RBFOX1: variants seen among roughly 807,000 people sequenced by gnomAD.
RBFOX1 encodes RNA binding fox-1 homolog 1, also known as RNA binding protein fox-1 homolog 1.
A neutral mutation model predicts 57.7 loss-of-function variants in RBFOX1; 8 were observed. The ratio of observed to expected loss-of-function variants is 0.14; its 90% CI spans 0.08 to 0.25. The LOEUF (loss-of-function observed/expected upper bound fraction) is 0.25. RBFOX1 is among the 10% of genes least tolerant of loss of function. The probability of loss-of-function intolerance (pLI) is 1.00; values close to 1 mark genes in which losing one functional copy is unlikely to be tolerated. For synonymous variants in RBFOX1, 326 were observed against 222.4 expected (o/e 1.47, Z -4.15); for missense variants, 611 against 548.5 (o/e 1.11, Z -1.14).
intron 3 of RBFOX1, among the ~76,000 whole-genome samples, chr16:5,809,944 G>C (rs562809053): frequency 1.2e-4 from 19 of 152,192 alleles, no homozygotes; most frequent in Non-Finnish European, 2.1e-4. Flanking sequence ...AACAATGATA[G>C]ACTGGATTAA....
intron 4 of RBFOX1, among the ~76,000 whole-genome samples, chr16:7,071,333 G>C (rs1051461017): frequency 6.6e-6 from 1 of 152,062 alleles, no homozygotes; most frequent in Non-Finnish European, 1.5e-5. Flanking sequence ...ATAATGCCAG[G>C]AAAAAGAAAA....
At chr16:6,456,851 G>A (rs374441301) in intron 2 of RBFOX1, among the ~76,000 whole-genome samples, 10 of 152,312 alleles carry the variant, frequency 6.6e-5, no homozygotes, top group African/African-American at 1.7e-4. Context: ...GTACCTTCTA[G>A]TTGGATTCAT....
intron 1 of RBFOX1, among the ~76,000 whole-genome samples, chr16:5,268,034 A>G (rs1018047408): frequency 6.6e-6 from 1 of 152,044 alleles, no homozygotes; most frequent in Non-Finnish European, 1.5e-5. Context: ...AGCTGAGATC[A>G]CACCGCTGCA....
chr16:6,680,053 G>C (rs928541622), intron 3 of RBFOX1, among the ~76,000 whole-genome samples: 1 of 152,014 alleles, frequency 6.6e-6, no homozygotes, highest in African/African-American at 2.4e-5. Context: ...TTTCATAACA[G>C]TGTGGTCTTG....
intron 14 of RBFOX1, among the ~76,000 whole-genome samples, chr16:7,691,962 A>T (rs988551000): frequency 1.3e-5 from 2 of 152,178 alleles, no homozygotes; most frequent in Non-Finnish European, 2.9e-5. Context: ...CCAGAATATC[A>T]TACCTGTAGT....
chr16:7,133,724 A>C (rs1478391817), intron 4 of RBFOX1, among the ~76,000 whole-genome samples: 1 of 152,226 alleles, frequency 6.6e-6, no homozygotes, highest in Non-Finnish European at 1.5e-5. Flanking sequence ...TTCTGCTTAT[A>C]GTTTCTTTAG....
At chr16:7,199,283 C>T (rs752933297) in intron 4 of RBFOX1, among the ~76,000 whole-genome samples, 1 of 152,094 alleles carries the variant, frequency 6.6e-6, no homozygotes, top group East Asian at 1.9e-4. Flanking sequence ...CACCAAAGTG[C>T]CCTTTTATGT....
chr16:6,810,899 T>A (rs2088366497), intron 3 of RBFOX1, among the ~76,000 whole-genome samples: 1 of 152,096 alleles, frequency 6.6e-6, no homozygotes, highest in Non-Finnish European at 1.5e-5. Flanking sequence ...AAGAGCTGAT[T>A]TGGGTGGAGA....
chr16:7,019,269 A>T (rs1032230013), intron 3 of RBFOX1, among the ~76,000 whole-genome samples: 13 of 152,136 alleles, frequency 8.5e-5, no homozygotes, highest in African/African-American at 3.1e-4. Flanking sequence ...TGCTTGAGAA[A>T]AAAACAGGTA....
At chr16:7,283,921 C>G (rs963558032) in intron 4 of RBFOX1, among the ~76,000 whole-genome samples, 4 of 152,330 alleles carry the variant, frequency 2.6e-5, no homozygotes, top group Non-Finnish European at 4.4e-5. Context: ...ATTCCAAAAA[C>G]TTGCCTAGGG....
At chr16:6,682,580 A>C (rs1018082346) in intron 3 of RBFOX1, among the ~76,000 whole-genome samples, 2 of 152,032 alleles carry the variant, frequency 1.3e-5, no homozygotes, top group East Asian at 1.9e-4. Flanking sequence ...TGTCCTGTGC[A>C]TTGTGGGTGC....
intron 10 of RBFOX1, among the ~76,000 whole-genome samples, chr16:7,616,988 AT>A (rs1029896674): frequency 6.9e-5 from 10 of 145,922 alleles, no homozygotes; most frequent in African/African-American, 2.2e-4. Flanking sequence ...CTGCACAACC[AT>A]TAAAAAAAAA....
intron 1 of RBFOX1, among the ~76,000 whole-genome samples, chr16:6,114,670 A>C (rs1232828116): frequency 6.6e-6 from 1 of 152,126 alleles, no homozygotes; most frequent in African/African-American, 2.4e-5. Context: ...GTCTGTTGGC[A>C]CCAAACCCCT....
At chr16:6,999,787 A>G (rs750442232) in intron 3 of RBFOX1, among the ~76,000 whole-genome samples, 41 of 152,204 alleles carry the variant, frequency 2.7e-4, no homozygotes, top group Admixed American at 7.9e-4. Context: ...AAAATTAGCA[A>G]TAGGCCAGGC....
At chr16:7,703,472 G>A (rs1326730436) in intron 14 of RBFOX1, among the ~76,000 whole-genome samples, 2 of 152,194 alleles carry the variant, frequency 1.3e-5, no homozygotes, top group East Asian at 3.9e-4. Context: ...GAAGCATGGG[G>A]AGATGATACT....
chr16:6,630,537 A>G (rs1239720097), intron 2 of RBFOX1, among the ~76,000 whole-genome samples: 1 of 152,152 alleles, frequency 6.6e-6, no homozygotes, highest in Non-Finnish European at 1.5e-5. Flanking sequence ...TGAGGTAAGC[A>G]CTATTCATAA....
At chr16:6,569,978 GAGA>G (rs201417003) in intron 2 of RBFOX1, among the ~76,000 whole-genome samples, 1,920 of 152,232 alleles carry the variant, frequency 0.013, 18 homozygotes, top group Admixed American at 0.033. Flanking sequence ...TAATTTGTTT[GAGA>G]AGAAGTCGTT....
At chr16:7,230,693 C>A (rs931906926) in intron 4 of RBFOX1, among the ~76,000 whole-genome samples, 1 of 152,152 alleles carries the variant, frequency 6.6e-6, no homozygotes, top group African/African-American at 2.4e-5. Context: ...AGGGGAGAGC[C>A]ACTTGGAGTT....
At chr16:5,981,469 T>C (rs753020033) in intron 4 of RBFOX1, among the ~76,000 whole-genome samples, 20 of 152,166 alleles carry the variant, frequency 1.3e-4, no homozygotes, top group Non-Finnish European at 2.8e-4. Context: ...TGATGTTTTA[T>C]TTTATTATTT....
Sources: allele counts gnomAD v4.1 joint callset (sites outside exome capture counted in the v4.1 genomes callset), GRCh38; gene constraint gnomAD v4.1.1; transcripts MANE v1.5; gene names NCBI Gene and HGNC (gene_info 2026-07-23, HGNC 2026-07-21).